Variants in SOX6 observed in about 807,000 individuals in gnomAD.
SOX6 encodes the protein transcription factor SOX-6.
A neutral mutation model predicts 97.8 loss-of-function variants in SOX6; 11 were observed. That is an observed-to-expected ratio of 0.11 (90% CI 0.07 to 0.19). SOX6 has a LOEUF of 0.19. SOX6 is among the 10% of genes least tolerant of loss of function. The pLI is 1.00. For missense variants in SOX6, 810 were observed against 1,039.5 expected (o/e 0.78, Z 3.04); for synonymous variants, 360 against 371.4 (o/e 0.97, Z 0.35).
At chr11:16,664,885 A>G (rs1285143468) in intron 3 of SOX6, among the ~76,000 whole-genome samples, 1 of 151,868 alleles carries the variant, frequency 6.6e-6, no homozygotes. Flanking sequence ...GGCAGCAGAG[A>G]GAGTCCTGAG....
chr11:16,081,474 T>C (rs963890327), intron 9 of SOX6, among the ~76,000 whole-genome samples: 1 of 152,136 alleles, frequency 6.6e-6, no homozygotes, highest in Non-Finnish European at 1.5e-5. Flanking sequence ...TTCTAAATCT[T>C]AATATCTCCT....
Position 16,096,031 on chromosome 11 carries a change from C to G in SOX6, c.1066G>C (p.Gly356Arg), listed in dbSNP as rs1417933832. Residue 356 changes from glycine (G) to arginine (R), a missense_variant, in exon 9 of 16, where the codon GGT (glycine) becomes CGT (arginine). Physicochemically the swap from Gly to Arg is moderately radical, Grantham distance 125. Around this residue, in one of 9 missense-constraint regions of SOX6, gnomAD observed 244 missense variants for 261.0 expected, o/e 0.93. Coordinates refer to ENST00000683767, the MANE Select transcript of SOX6 (RefSeq NM_001367873.1). ...TTGTGGTTGTAAGAGTGGCCACCAC[C>G]ATGTTCAAAGGTGTCCAAATTCCTG... ...FGRNLDTFEH[G>R]GGHSYNHKQI... 2 of 1,611,252 alleles carry G rather than the reference C, an allele frequency of 1.2e-6. No individual in the cohort carries two copies. Among genetic ancestry groups the G allele is most frequent in the Non-Finnish European group, 1.7e-6 (2 of 1,178,442 alleles).
At chr11:16,454,722 A>C (rs1263290859) in intron 1 of SOX6, among the ~76,000 whole-genome samples, 1 of 152,152 alleles carries the variant, frequency 6.6e-6, no homozygotes, top group Non-Finnish European at 1.5e-5. Flanking sequence ...AAAGAAATTG[A>C]GCCAAAGTAA....
intron 6 of SOX6, among the ~76,000 whole-genome samples, chr11:16,146,468 A>G (rs1170380684): frequency 1.3e-5 from 2 of 152,236 alleles, no homozygotes; most frequent in African/African-American, 2.4e-5. Context: ...TAAAACACCA[A>G]AAGCAATGGC....
At chr11:16,684,329 C>A (rs1375295505) in intron 3 of SOX6, among the ~76,000 whole-genome samples, 1 of 152,088 alleles carries the variant, frequency 6.6e-6, no homozygotes, top group African/African-American at 2.4e-5. Flanking sequence ...TTGGAACCAG[C>A]CCAAATGTCC....
intron 3 of SOX6, among the ~76,000 whole-genome samples, chr11:16,660,198 G>A (rs1331426054): frequency 6.6e-6 from 1 of 152,036 alleles, no homozygotes; most frequent in Non-Finnish European, 1.5e-5. Context: ...TCCTAAGGTG[G>A]AAATTCAGAT....
rs539745551 is a variant in SOX6 at position 16,600,228 on chromosome 11, GTTC to G, written n.609+11850_609+11852del. ...GATATATTGCCTTTGATATGGAAAT[GTTC>G]TTCTTCTCTCATCTTCACATATGGT... On this transcript the variant is annotated intron_variant and non_coding_transcript_variant, in intron 4 of 5. Transcript: ENST00000524520. 2.5e-4 allele frequency among the ~76,000 whole-genome samples: 38 copies of G among 152,288 alleles called. No individual in the cohort carries two copies. In the South Asian group the frequency reaches 7.3e-3, roughly 29 times the overall value.
intron 4 of SOX6, among the ~76,000 whole-genome samples, chr11:16,514,682 G>A (rs1012778917): frequency 6.9e-6 from 1 of 145,330 alleles, no homozygotes; most frequent in African/African-American, 2.5e-5. Context: ...ATCTCCCAAT[G>A]CTATCCCTCC....
intron 13 of SOX6, among the ~76,000 whole-genome samples, chr11:16,013,783 T>TA (rs1854802741): frequency 6.6e-6 from 1 of 152,002 alleles, no homozygotes. Context: ...AAGGGCTTCC[T>TA]AATGTCTAAT....
At chr11:16,630,698 C>G (rs963840028) in intron 3 of SOX6, among the ~76,000 whole-genome samples, 3 of 152,144 alleles carry the variant, frequency 2.0e-5, no homozygotes, top group Non-Finnish European at 1.5e-5. Flanking sequence ...AAGTTCCCCA[C>G]TATTATTGTG....
At chr11:16,297,310 C>T (rs10832590) in intron 3 of SOX6, among the ~76,000 whole-genome samples, 59,018 of 151,776 alleles carry the variant, frequency 0.39, 11,948 homozygotes, top group African/African-American at 0.49. Flanking sequence ...CCATAAATTA[C>T]AACATAAATG....
intron 1 of SOX6, among the ~76,000 whole-genome samples, chr11:16,362,710 C>A (rs1857240439): frequency 6.6e-6 from 1 of 152,074 alleles, no homozygotes; most frequent in Admixed American, 6.6e-5. Flanking sequence ...GTTATGCCTG[C>A]AGAATTCCGT....
intron 1 of SOX6, among the ~76,000 whole-genome samples, chr11:16,349,352 C>T (rs892675677): frequency 1.3e-5 from 2 of 152,098 alleles, no homozygotes; most frequent in Non-Finnish European, 2.9e-5. Context: ...TGAGGTGGCT[C>T]ATGCCTGTAA....
At chr11:16,689,368 C>G (rs759792926) in intron 3 of SOX6, among the ~76,000 whole-genome samples, 2 of 152,220 alleles carry the variant, frequency 1.3e-5, no homozygotes, top group Non-Finnish European at 2.9e-5. Flanking sequence ...CCATACATAG[C>G]CTGAAAACTC....
chr11:16,524,403 A>G (rs2133164135), intron 4 of SOX6, among the ~76,000 whole-genome samples: 1 of 152,252 alleles, frequency 6.6e-6, no homozygotes, highest in African/African-American at 2.4e-5. Context: ...ATAGATGCAG[A>G]AAAGGCCTTT....
intron 13 of SOX6, among the ~76,000 whole-genome samples, chr11:15,995,533 A>G (rs1854198143): frequency 1.3e-5 from 2 of 152,322 alleles, no homozygotes; most frequent in Non-Finnish European, 2.9e-5. Flanking sequence ...TGTACAAACA[A>G]CCAGGAAAAT....
At chr11:16,003,464 C>T (rs935682761) in intron 13 of SOX6, among the ~76,000 whole-genome samples, 1 of 152,036 alleles carries the variant, frequency 6.6e-6, no homozygotes, top group African/African-American at 2.4e-5. Flanking sequence ...TAACATTTGC[C>T]ATATTTTATC....
At chr11:16,481,512 C>G (rs543364844) in intron 4 of SOX6, among the ~76,000 whole-genome samples, 2 of 152,154 alleles carry the variant, frequency 1.3e-5, no homozygotes, top group South Asian at 4.1e-4. Flanking sequence ...TCTTAAAGAT[C>G]TCCAAAGGTA....
At chr11:16,336,754 C>A (rs1220464160) in intron 2 of SOX6, among the ~76,000 whole-genome samples, 1 of 152,136 alleles carries the variant, frequency 6.6e-6, no homozygotes, top group Admixed American at 6.6e-5. Flanking sequence ...GTCAGCCTCC[C>A]TGATTTCATT....
Sources: gnomAD v4.1 joint callset for allele counts (sites outside exome capture counted in the v4.1 genomes callset) on GRCh38, gnomAD v4.1.1 for gene constraint, gnomAD v4.1.1 regional missense constraint, MANE v1.5 for transcripts, NCBI Gene and HGNC (gene_info 2026-07-23, HGNC 2026-07-21) for gene names.